The following GPATCH8 variants were observed in gnomAD, a reference collection of about 807,000 sequenced individuals.
GPATCH8 encodes G-patch domain containing 8.
GPATCH8 carries 18 observed loss-of-function variants against 118.3 expected under a neutral mutation model. The observed-to-expected ratio is 0.15, with a 90% CI of 0.11 to 0.23. The LOEUF is 0.23. Ranked by LOEUF, GPATCH8 falls within the 10% of genes least tolerant of loss-of-function variation. The pLI is 1.00. For missense variants in GPATCH8, 1,631 were observed against 1,873.8 expected, an observed-to-expected ratio of 0.87 and a Z score of 2.39; for synonymous variants, 659 against 684.7, an observed-to-expected ratio of 0.96 and a Z score of 0.59.
intron 7 of GPATCH8, among the ~76,000 whole-genome samples, chr17:44,404,659 A>T (rs1405066728): frequency 6.6e-6 from 1 of 152,152 alleles, no homozygotes; most frequent in Non-Finnish European, 1.5e-5. Context: ...AAGTCACATA[A>T]ATAGTAAGAA....
chr17:44,397,409 T>C lies in GPATCH8; in HGVS notation c.*159A>G. 1.4e-6 allele frequency: 1 copy of C among 705,340 alleles called. No individual in the cohort carries two copies. Among genetic ancestry groups the C allele is most frequent in the Non-Finnish European group, 2.6e-6 (1 of 386,532 alleles). 43.7% of individuals were successfully genotyped at this position (705,340 alleles called of 1,614,324 possible). A position where few individuals can be genotyped will look rare whatever the true frequency, so the allele number is the denominator to read the frequency against. ...CCCTGATAGTAAACTGAAAGCAAACTTCAAATCTAAACCCACCCCTGCAAG... is the reference window on the plus strand; with the variant it reads ...CCCTGATAGTAAACTGAAAGCAAACCTCAAATCTAAACCCACCCCTGCAAG... On this transcript the variant is annotated 3_prime_UTR_variant, in exon 8 of 8. Coordinates refer to ENST00000591680, the MANE Select transcript of GPATCH8 (RefSeq NM_001002909.4).
intron 3 of GPATCH8, among the ~76,000 whole-genome samples, chr17:44,456,553 G>A (rs1297245619): frequency 1.3e-5 from 2 of 152,076 alleles, no homozygotes; most frequent in African/African-American, 2.4e-5. Flanking sequence ...AGCACAAGGT[G>A]GGAAGACTGC....
At position 44,404,323 on chromosome 17, in the gene GPATCH8, T is replaced by C. The variant is rs1032488972; in HGVS notation, c.623+1598A>G. Among the ~76,000 whole-genome samples the C allele has an allele frequency of 4.0e-5, 6 of 151,844 alleles. No homozygotes were observed. In the East Asian group the frequency reaches 7.8e-4, roughly 20 times the overall value. On this transcript the variant is annotated intron_variant, in intron 7 of 7. Transcript: ENST00000591680. ...CGGCTAATTTTTAAGATTTTTTTTT[T>C]TTAGAGACAGGGTCTTCCTATGTTG...
At chr17:44,406,499 G>GGA (rs1555622810) in intron 6 of GPATCH8, among the ~76,000 whole-genome samples, 1 of 131,260 alleles carries the variant, frequency 7.6e-6, no homozygotes, top group Non-Finnish European at 1.6e-5. Flanking sequence ...GCTTACATGG[G>GGA]GGGGGGGGGT....
At chr17:44,466,856 A>G (rs893662574) in intron 2 of GPATCH8, among the ~76,000 whole-genome samples, 16 of 151,966 alleles carry the variant, frequency 1.1e-4, no homozygotes, top group African/African-American at 3.4e-4. Flanking sequence ...ACTCATAACT[A>G]TATTTGGCAC....
intron 2 of GPATCH8, among the ~76,000 whole-genome samples, chr17:44,469,598 C>G (rs1967111109): frequency 6.6e-6 from 1 of 152,108 alleles, no homozygotes; most frequent in South Asian, 2.1e-4. Context: ...ATCATTTAGC[C>G]CATTTTCAAC....
chr17:44,442,213 T>TAAAA (rs202099152), intron 3 of GPATCH8, among the ~76,000 whole-genome samples: 2 of 132,194 alleles, frequency 1.5e-5, no homozygotes, highest in Non-Finnish European at 3.2e-5. Flanking sequence ...AGTGATGATG[T>TAAAA]AAAAAAAAAA....
chr17:44,412,229 A>T (rs568098148), intron 6 of GPATCH8, among the ~76,000 whole-genome samples: 160 of 152,028 alleles, frequency 1.1e-3, no homozygotes, highest in African/African-American at 3.7e-3. Flanking sequence ...GGCCAAAAAA[A>T]TTTTTTTAAA....
Position 44,399,873 on chromosome 17 carries a change from G to C in GPATCH8, c.2204C>G (p.Pro735Arg). ...ADSERGPKPEPPGSGSPAPPR... is the reference protein window; with the variant it reads ...ADSERGPKPERPGSGSPAPPR... Reference sequence around the variant, plus strand: ...TGGTGCGGGACTGCCACTCCCAGGGGGTTCTGGTTTGGGTCCTCGTTCAGA... The same window carrying C: ...TGGTGCGGGACTGCCACTCCCAGGGCGTTCTGGTTTGGGTCCTCGTTCAGA... The change falls in exon 8 of 8, where the codon CCC becomes CGC. Residue 735 changes from proline (P) to arginine (R), a missense_variant. Pro to Arg is a moderately radical substitution (Grantham distance 103). Transcript: ENST00000591680. 6.2e-7 allele frequency: 1 copy of C among 1,614,010 alleles called. No homozygotes were observed. The highest frequency in any genetic ancestry group is 8.5e-7 in the Non-Finnish European group (1 of 1,179,996).
At chr17:44,446,665 T>C (rs962207040) in intron 3 of GPATCH8, among the ~76,000 whole-genome samples, 4 of 152,204 alleles carry the variant, frequency 2.6e-5, no homozygotes, top group South Asian at 2.1e-4. Flanking sequence ...GGGGATTATG[T>C]AGACAGCAGC....
chr17:44,478,527 T>C (rs912443792), intron 1 of GPATCH8, among the ~76,000 whole-genome samples: 4 of 152,004 alleles, frequency 2.6e-5, no homozygotes, highest in Admixed American at 6.6e-5. Context: ...TGTGTACCTA[T>C]AGTCCTAGTC....
At chr17:44,441,738 A>T (rs1049152019) in intron 3 of GPATCH8, among the ~76,000 whole-genome samples, 1 of 133,000 alleles carries the variant, frequency 7.5e-6, no homozygotes, top group African/African-American at 2.9e-5. Flanking sequence ...CCCCCCAAAA[A>T]AATCAAAAGC....
At chr17:44,448,020 T>C (rs868719614) in intron 3 of GPATCH8, among the ~76,000 whole-genome samples, 1 of 152,260 alleles carries the variant, frequency 6.6e-6, no homozygotes, top group Middle Eastern at 3.4e-3. Context: ...CTCAGCTCAC[T>C]GCAACCTCTG....
chr17:44,473,184 G>C (rs1251641328), intron 2 of GPATCH8: 1 of 150,986 alleles, frequency 6.6e-6, no homozygotes, highest in Admixed American at 6.6e-5. Flanking sequence ...GCCCAGGCTG[G>C]AGTGCAGAGG....
chr17:44,480,150 A>G (rs541037166), intron 1 of GPATCH8, among the ~76,000 whole-genome samples: 2 of 152,348 alleles, frequency 1.3e-5, no homozygotes, highest in South Asian at 4.1e-4. Flanking sequence ...TAAAGTGGGC[A>G]TAAGATTTAA....
At chr17:44,471,914 A>C (rs1368785763) in intron 2 of GPATCH8, among the ~76,000 whole-genome samples, 1 of 149,708 alleles carries the variant, frequency 6.7e-6, no homozygotes, top group East Asian at 1.9e-4. Context: ...AAAACACTTA[A>C]AATTTTACTC....
At chr17:44,438,691 C>T (rs1469791087) in intron 3 of GPATCH8, 1 of 152,502 alleles carries the variant, frequency 6.6e-6, no homozygotes, top group Admixed American at 6.6e-5. Context: ...ATTACCATCA[C>T]CACAACAAGT....
rs1275669766 is a variant in GPATCH8, at chr17:44,397,785, G to A, written c.4292C>T (p.Ala1431Val). The change falls in exon 8 of 8, where the codon GCC (alanine) becomes GTC (valine). Residue 1431 changes from alanine to valine, a missense_variant. Physicochemically the swap from Ala to Val is moderately conservative, Grantham distance 64 (BLOSUM62 0). Transcript: ENST00000591680. ...GATGGGATGGCTAGCGAGAAAGGTGGCAGGGTGGCCAGGGATGATTGAGTG... is the reference window on the plus strand; with the variant it reads ...GATGGGATGGCTAGCGAGAAAGGTGACAGGGTGGCCAGGGATGATTGAGTG... ...LTHSIIPGHP[A>V]TFLASHPIHI... is the part of the protein sequence containing the mutation. The A allele has an allele frequency of 6.9e-6, 11 of 1,583,598 alleles. No individual in the cohort carries two copies. Among genetic ancestry groups the A allele is most frequent in the Non-Finnish European group, 9.5e-6 (11 of 1,162,476 alleles).
intron 6 of GPATCH8, among the ~76,000 whole-genome samples, chr17:44,413,082 T>C (rs764360790): frequency 2.6e-5 from 4 of 152,208 alleles, no homozygotes; most frequent in Non-Finnish European, 5.9e-5. Flanking sequence ...TATAGATGAA[T>C]GGTTAGGGAA....
Sources: allele counts gnomAD v4.1 joint callset (sites outside exome capture counted in the v4.1 genomes callset), GRCh38; gene constraint gnomAD v4.1.1; transcripts MANE v1.5; gene names NCBI Gene and HGNC (gene_info 2026-07-23, HGNC 2026-07-21).